Variants in STAU1 observed in about 807,000 individuals in gnomAD.
STAU1 encodes the protein staufen double-stranded RNA binding protein 1.
STAU1 carries 13 observed loss-of-function variants against 62.9 expected under a neutral mutation model. The observed-to-expected ratio is 0.21, with a 90% CI of 0.13 to 0.33. The LOEUF (loss-of-function observed/expected upper bound fraction) is 0.33. Ranked by LOEUF, STAU1 falls within the 10% of genes least tolerant of loss-of-function variation. The pLI is 1.00. For missense variants in STAU1, 571 were observed against 712.1 expected (o/e 0.80, Z 2.25); for synonymous variants, 269 against 265.1 (o/e 1.01, Z -0.14).
upstream of STAU1, among the ~76,000 whole-genome samples, chr20:49,193,040 C>T (rs957081766): frequency 6.6e-6 from 1 of 152,108 alleles, no homozygotes; most frequent in Non-Finnish European, 1.5e-5. Context: ...GAGATATTTC[C>T]AGATAGACAC....
intron 3 of STAU1, among the ~76,000 whole-genome samples, chr20:49,160,793 A>C (rs2093436022): frequency 6.6e-6 from 1 of 152,164 alleles, no homozygotes; most frequent in South Asian, 2.1e-4. Flanking sequence ...TTAGCCAGGC[A>C]ATTGCATCTT....
chr20:49,124,683 G>A lies in STAU1; in HGVS notation c.610-96C>T, dbSNP rs1304488030. ...CACACTTCACACAGACACAGGGAAGGGGAACCAAGGACAAGACCTACTAAA... is the reference window on the plus strand; with the variant it reads ...CACACTTCACACAGACACAGGGAAGAGGAACCAAGGACAAGACCTACTAAA... On this transcript the variant is annotated intron_variant, in intron 6 of 13. Coordinates refer to ENST00000371856, the MANE Select transcript of STAU1 (RefSeq NM_017453.4). 2.4e-6 allele frequency: 3 copies of A among 1,274,802 alleles called. No homozygotes were observed. In the African/African-American group the frequency reaches 4.4e-5, roughly 19 times the overall value. 79.0% of individuals were successfully genotyped at this position (1,274,802 alleles called of 1,614,324 possible). A position where few individuals can be genotyped will look rare whatever the true frequency, so the allele number is the denominator to read the frequency against.
chr20:49,169,388 A>G (rs955403247), intron 2 of STAU1, among the ~76,000 whole-genome samples: 5 of 152,242 alleles, frequency 3.3e-5, no homozygotes, highest in African/African-American at 1.2e-4. Context: ...CATTACTGAT[A>G]TAGATATAGT....
chr20:49,151,226 T>C (rs1226009646), intron 5 of STAU1, among the ~76,000 whole-genome samples: 1 of 152,116 alleles, frequency 6.6e-6, no homozygotes, highest in Non-Finnish European at 1.5e-5. Context: ...CTGGTACCCA[T>C]ATATCACAGT....
In STAU1 at chr20:49,117,732, G is replaced by A. The variant is rs370379949; in HGVS notation, c.1509+45C>T. The A allele has an allele frequency of 6.5e-7, 1 of 1,528,926 alleles. No homozygotes were observed. The highest frequency in any genetic ancestry group is 1.3e-5 in the South Asian group (1 of 79,940). 94.7% of individuals were successfully genotyped at this position (1,528,926 alleles called of 1,614,324 possible). ...CATTTTCTGAGAGAAGCCAAAAGATGACTGTCCTGAGGCACAGCCATCACA... is the reference window on the plus strand; with the variant it reads ...CATTTTCTGAGAGAAGCCAAAAGATAACTGTCCTGAGGCACAGCCATCACA... On this transcript the variant is annotated intron_variant, in intron 11 of 13. Transcript: ENST00000371856. The surrounding 1 kb of genome is among the most constrained non-coding windows in gnomAD (Gnocchi z 4.6).
chr20:49,186,092 G>A (rs551899841), intron 1 of STAU1, among the ~76,000 whole-genome samples: 19 of 152,160 alleles, frequency 1.2e-4, no homozygotes, highest in African/African-American at 4.6e-4. Flanking sequence ...GAGCCACCGC[G>A]CCTAACCTGC....
intron 1 of STAU1, among the ~76,000 whole-genome samples, chr20:49,175,797 C>CTTTT (rs2093652757): frequency 7.2e-5 from 2 of 27,596 alleles, no homozygotes; most frequent in Admixed American, 2.4e-4. Context: ...CCTCATAATG[C>CTTTT]CTTTTTTTTT....
chr20:49,215,749 G>A, the STAU1 span, among the ~76,000 whole-genome samples: 5 of 152,106 alleles, frequency 3.3e-5, no homozygotes, highest in Admixed American at 6.6e-5. Context: ...GCTGACGCCT[G>A]TAATTCCAGC....
At chr20:49,124,900 T>C (rs2092555378) in intron 6 of STAU1, among the ~76,000 whole-genome samples, 2 of 151,902 alleles carry the variant, frequency 1.3e-5, no homozygotes, top group South Asian at 2.1e-4. Flanking sequence ...AAAAGGAAGC[T>C]AGCCCAGCAA....
At chr20:49,121,669 C>T (rs1386721760) in intron 8 of STAU1, among the ~76,000 whole-genome samples, 1 of 152,140 alleles carries the variant, frequency 6.6e-6, no homozygotes, top group African/African-American at 2.4e-5. Flanking sequence ...ATAAAACACA[C>T]ATATATGTCA....
the STAU1 span, among the ~76,000 whole-genome samples, chr20:49,216,239 C>G: frequency 1.3e-5 from 2 of 151,284 alleles, no homozygotes; most frequent in African/African-American, 2.4e-5. Flanking sequence ...AAAAAAATCC[C>G]TCAAGGCTGG....
chr20:49,209,512 G>A, the STAU1 span, among the ~76,000 whole-genome samples: 1 of 151,092 alleles, frequency 6.6e-6, no homozygotes, highest in South Asian at 2.1e-4. Context: ...GCGAGGCCAA[G>A]TTGGGTGGAT....
chr20:49,154,138 T>G (rs981696048), intron 3 of STAU1, 67 bp from the exon 4 acceptor site: 1 of 1,465,576 alleles, frequency 6.8e-7, no homozygotes, highest in African/African-American at 1.4e-5. Context: ...TAAAATAAAA[T>G]GTAATAGCAT....
At chr20:49,141,062 G>A (rs2092995688) in intron 5 of STAU1, among the ~76,000 whole-genome samples, 1 of 151,592 alleles carries the variant, frequency 6.6e-6, no homozygotes, top group African/African-American at 2.4e-5. Context: ...AACACAACTT[G>A]GAAATAAACT....
chr20:49,124,888 C>G (rs2092555145), intron 6 of STAU1, among the ~76,000 whole-genome samples: 1 of 151,666 alleles, frequency 6.6e-6, no homozygotes, highest in African/African-American at 2.4e-5. Flanking sequence ...CTGCAACTGG[C>G]AAAAAGGAAG....
intron 5 of STAU1, among the ~76,000 whole-genome samples, chr20:49,142,502 C>T (rs1008842842): frequency 1.3e-5 from 2 of 151,944 alleles, no homozygotes; most frequent in African/African-American, 4.8e-5. Flanking sequence ...TCTACTGCTC[C>T]GTTCTACACC....
chr20:49,126,097 C>A (rs1326998350), intron 6 of STAU1, among the ~76,000 whole-genome samples: 1 of 151,756 alleles, frequency 6.6e-6, no homozygotes, highest in African/African-American at 2.4e-5. Flanking sequence ...ATGCACAACT[C>A]TCAGAAGCAA....
At chr20:49,158,735 G>A (rs1317398609) in intron 3 of STAU1, among the ~76,000 whole-genome samples, 1 of 151,844 alleles carries the variant, frequency 6.6e-6, no homozygotes, top group African/African-American at 2.4e-5. Flanking sequence ...ACTTGAACCC[G>A]GGAGGCAGAG....
the STAU1 span, among the ~76,000 whole-genome samples, chr20:49,204,179 G>A: frequency 1.3e-5 from 2 of 150,886 alleles, no homozygotes; most frequent in East Asian, 1.9e-4. Flanking sequence ...GCTGGAGTGC[G>A]GTGGCATGAT....
Sources: allele counts gnomAD v4.1 joint callset (sites outside exome capture counted in the v4.1 genomes callset), GRCh38; gene constraint gnomAD v4.1.1; non-coding constraint Gnocchi (gnomAD v3.1); transcripts MANE v1.5; gene names NCBI Gene and HGNC (gene_info 2026-07-23, HGNC 2026-07-21).